The following TBC1D4 variants were observed in gnomAD, a reference collection of about 807,000 sequenced individuals.
TBC1D4 encodes TBC1 domain family member 4.
Under a neutral mutation model 142.5 loss-of-function variants are expected in TBC1D4, and 121 were observed. The ratio of observed to expected loss-of-function variants is 0.85; its 90% confidence interval spans 0.73 to 0.99. The LOEUF (loss-of-function observed/expected upper bound fraction) is 0.99. Ranked by LOEUF, TBC1D4 falls within the 50% of genes least tolerant of loss-of-function variation. TBC1D4 has a pLI of 0.00. For missense variants in TBC1D4, 1,475 were observed against 1,606.6 expected (o/e 0.92, Z 1.40); for synonymous variants, 630 against 628.2 (o/e 1.00, Z -0.04).
At chr13:75,363,216 A>C (rs1882680335) in intron 1 of TBC1D4, among the ~76,000 whole-genome samples, 1 of 152,208 alleles carries the variant, frequency 6.6e-6, no homozygotes, top group South Asian at 2.1e-4. Context: ...TTAGGAGTTA[A>C]ATATAGACCT....
At chr13:75,421,211 T>A (rs146690086) in intron 1 of TBC1D4, among the ~76,000 whole-genome samples, 1 of 152,362 alleles carries the variant, frequency 6.6e-6, no homozygotes, top group East Asian at 1.9e-4. Context: ...GTGCAGATGA[T>A]GCCTCAGAAC....
chr13:75,465,834 C>A (rs994640331), intron 1 of TBC1D4, among the ~76,000 whole-genome samples: 3 of 152,180 alleles, frequency 2.0e-5, no homozygotes, highest in Admixed American at 2.0e-4. Flanking sequence ...GTCTCCACAA[C>A]CCCTTATCTT....
intron 1 of TBC1D4, among the ~76,000 whole-genome samples, chr13:75,467,409 A>C (rs1463012715): frequency 6.6e-5 from 10 of 152,224 alleles, no homozygotes; most frequent in African/African-American, 2.2e-4. Context: ...TAATGACAAA[A>C]CAGAGAAACG....
chr13:75,419,654 AG>A (rs1380194551), intron 1 of TBC1D4, among the ~76,000 whole-genome samples: 1 of 152,220 alleles, frequency 6.6e-6, no homozygotes, highest in Non-Finnish European at 1.5e-5. Context: ...TCTTCCACAG[AG>A]GGAGGCTGAA....
intron 1 of TBC1D4, among the ~76,000 whole-genome samples, chr13:75,438,514 CA>C (rs2138188680): frequency 6.6e-6 from 1 of 152,276 alleles, no homozygotes; most frequent in East Asian, 1.9e-4. Context: ...ACTTGGAAGT[CA>C]GTTTTAGAAA....
At chr13:75,288,837 G>A in intron 20 of TBC1D4, 97 bp downstream of exon 20, 1 of 1,289,354 alleles carries the variant, frequency 7.8e-7, no homozygotes, top group Non-Finnish European at 1.1e-6. Flanking sequence ...GGTTAGCAAT[G>A]GTTCATTCCA....
chr13:75,480,045 C>CAAAAAAAA (rs1555327226), intron 1 of TBC1D4, among the ~76,000 whole-genome samples: 1 of 77,982 alleles, frequency 1.3e-5, no homozygotes. Flanking sequence ...AAAAAAAAAC[C>CAAAAAAAA]TATTTTTCAA....
At chr13:75,472,594 G>C (rs1268446905) in intron 1 of TBC1D4, among the ~76,000 whole-genome samples, 1 of 152,030 alleles carries the variant, frequency 6.6e-6, no homozygotes, top group Non-Finnish European at 1.5e-5. Context: ...AGCCTTAGAA[G>C]GAGCTAACAG....
At chr13:75,334,259 T>G (rs1040687186) in intron 8 of TBC1D4, among the ~76,000 whole-genome samples, 12 of 152,154 alleles carry the variant, frequency 7.9e-5, no homozygotes, top group African/African-American at 2.9e-4. Context: ...AAGGTTTTTA[T>G]GTCTTTATGA....
chr13:75,451,180 T>C (rs369742549), intron 1 of TBC1D4, among the ~76,000 whole-genome samples: 3 of 152,222 alleles, frequency 2.0e-5, no homozygotes, highest in African/African-American at 7.2e-5. Flanking sequence ...GTAAATCACT[T>C]AACTTGTTTG....
At chr13:75,476,503 C>T (rs1888636113) in intron 1 of TBC1D4, among the ~76,000 whole-genome samples, 1 of 152,172 alleles carries the variant, frequency 6.6e-6, no homozygotes, top group Non-Finnish European at 1.5e-5. Context: ...ACCTGCAGAA[C>T]TTAAAACTTT....
rs150961374 is a variant in TBC1D4 at position 75,413,524 on chromosome 13, T to A, written c.499-50917A>T. Among the ~76,000 whole-genome samples the A allele has an allele frequency of 4.1e-3, 621 of 152,282 alleles. 4 individuals carry two copies. The highest frequency in any genetic ancestry group is 0.014 in the African/African-American group (587 of 41,544). ...GTGATTTTTTTTAGCTTATCAGCTA[T>A]CCTTATTGTTTGTGTATTTTATGTG... is the stretch of plus-strand genomic sequence containing the variant. On this transcript the variant is annotated intron_variant, in intron 1 of 20. Transcript: ENST00000377636.
chr13:75,297,650 G>A (rs886135057), intron 17 of TBC1D4, among the ~76,000 whole-genome samples: 12 of 151,758 alleles, frequency 7.9e-5, no homozygotes, highest in Admixed American at 6.6e-4. Context: ...CCAGCTACTC[G>A]GGAGGCTGAG....
chr13:75,353,526 T>C (rs1279283327), intron 4 of TBC1D4, among the ~76,000 whole-genome samples: 3 of 151,976 alleles, frequency 2.0e-5, no homozygotes, highest in Non-Finnish European at 4.4e-5. Context: ...TATGCAACAA[T>C]AAGTGAGTGT....
chr13:75,305,911 C>T (rs1324757665), intron 15 of TBC1D4, among the ~76,000 whole-genome samples: 1 of 151,894 alleles, frequency 6.6e-6, no homozygotes, highest in Admixed American at 6.6e-5. Context: ...GATTACTTAG[C>T]CAGAATATAA....
At chr13:75,316,333 A>G (rs1287444523) in intron 12 of TBC1D4, 1 of 152,170 alleles carries the variant, frequency 6.6e-6, no homozygotes, top group Non-Finnish European at 1.5e-5. Context: ...AATTTCATAA[A>G]CCTAAAATTT....
At chr13:75,389,414 G>C (rs1362198425) in intron 1 of TBC1D4, among the ~76,000 whole-genome samples, 1 of 152,112 alleles carries the variant, frequency 6.6e-6, no homozygotes, top group Non-Finnish European at 1.5e-5. Flanking sequence ...TCTTTTTTCT[G>C]TGTACTTTTA....
At chr13:75,358,498 T>A (rs1882244616) in intron 3 of TBC1D4, among the ~76,000 whole-genome samples, 1 of 152,162 alleles carries the variant, frequency 6.6e-6, no homozygotes, top group Admixed American at 6.5e-5. Context: ...TAATATAAAG[T>A]ATATTAAAAT....
intron 7 of TBC1D4, among the ~76,000 whole-genome samples, chr13:75,338,228 T>C (rs1367814806): frequency 1.3e-5 from 2 of 150,446 alleles, no homozygotes; most frequent in Non-Finnish European, 3.0e-5. Flanking sequence ...ACCAGCTCCA[T>C]CAAATCAGTT....
Sources: gnomAD v4.1 joint callset for allele counts (sites outside exome capture counted in the v4.1 genomes callset) on GRCh38, gnomAD v4.1.1 for gene constraint, MANE v1.5 for transcripts, NCBI Gene and HGNC (gene_info 2026-07-23, HGNC 2026-07-21) for gene names.